Variants in DNM1L observed in about 807,000 individuals in gnomAD.
The protein encoded by DNM1L is dynamin 1L, also known as dynamin-1-like protein.
Under a neutral mutation model 92.8 loss-of-function variants are expected in DNM1L, and 33 were observed. The observed-to-expected ratio is 0.36, with a 90% CI of 0.27 to 0.48. The LOEUF is 0.48. Among genes scored for constraint, DNM1L ranks in the 20% least tolerant of loss-of-function variants. DNM1L has a pLI of 0.99. For synonymous variants in DNM1L, 284 were observed against 305.0 expected, an observed-to-expected ratio of 0.93 and a Z score of 0.72; for missense variants, 485 against 888.8, an observed-to-expected ratio of 0.55 and a Z score of 5.78.
intron 14 of DNM1L, 46 bp downstream of exon 14, chr12:32,737,207 T>A: frequency 1.3e-6 from 2 of 1,594,194 alleles, no homozygotes; most frequent in South Asian, 1.1e-5. Flanking sequence ...TAAAGATAGA[T>A]TGATGAGCTC....
At chr12:32,717,969 TATA>T (rs1167005070) in intron 6 of DNM1L, among the ~76,000 whole-genome samples, 1 of 98,730 alleles carries the variant, frequency 1.0e-5, no homozygotes, top group East Asian at 2.3e-4. Context: ...GTATATATAT[TATA>T]TATAGTATAT....
rs185815474 is a variant in DNM1L at position 32,722,370 on chromosome 12, T to C, written c.873-57T>C. On this transcript the variant is annotated intron_variant, in intron 8 of 19. Transcript: ENST00000549701. ...CCCCATTGTAAAAATTTGACTTGTT[T>C]AGGGCTTTAGAATACACAATTTTAC... is the stretch of plus-strand genomic sequence containing the variant. The C allele has an allele frequency of 1.6e-5, 24 of 1,492,284 alleles. 1 individual carries two copies. The African/African-American group carries it at 2.3e-4, about 15-fold the overall frequency. The allele number at this position is 1,492,284 out of a possible 1,614,324, so 92.4% of individuals were successfully genotyped here. A position where few individuals can be genotyped will look rare whatever the true frequency, so the allele number is the denominator to read the frequency against.
At chr12:32,698,602 C>T (rs747840458) in intron 1 of DNM1L, among the ~76,000 whole-genome samples, 1 of 152,066 alleles carries the variant, frequency 6.6e-6, no homozygotes, top group African/African-American at 2.4e-5. Flanking sequence ...TCTGACATAA[C>T]TGATGAAATT....
intron 9 of DNM1L, among the ~76,000 whole-genome samples, chr12:32,730,132 G>C (rs369392797): frequency 1.3e-5 from 2 of 151,168 alleles, no homozygotes; most frequent in Admixed American, 6.6e-5. Flanking sequence ...TTGGGAGGCC[G>C]AGGTGGGCAG....
rs1190206315 is a variant in DNM1L at position 32,717,990 on chromosome 12, GTATAGTATATATAATATA to G, written c.620-639_620-622del. Among the ~76,000 whole-genome samples, 8 of 108,120 alleles carry G rather than the reference GTATAGTATATATAATATA, an allele frequency of 7.4e-5. No individual in the cohort carries two copies. The East Asian group carries it at 1.6e-3, about 22-fold the overall frequency. The allele number at this position is 108,120 out of a possible 152,430, so 70.9% of individuals were successfully genotyped here. ...ATATTATATATAGTATATATAGTAT[GTATAGTATATATAATATA>G]TATAGTATATATATTATAAATATAT... On this transcript the variant is annotated intron_variant, in intron 6 of 19. Coordinates refer to ENST00000549701, the MANE Select transcript of DNM1L (RefSeq NM_012062.5).
intron 14 of DNM1L, 67 bp from the exon 15 acceptor site, chr12:32,737,798 A>G: frequency 2.5e-6 from 3 of 1,186,740 alleles, no homozygotes; most frequent in Admixed American, 3.4e-5. Flanking sequence ...AAATTCATTT[A>G]TAGAATGTTC....
intron 2 of DNM1L, among the ~76,000 whole-genome samples, chr12:32,703,354 T>C (rs1952789757): frequency 6.6e-6 from 1 of 152,074 alleles, no homozygotes; most frequent in Non-Finnish European, 1.5e-5. Flanking sequence ...AAATGACAAC[T>C]CAACTACCCC....
intron 19 of DNM1L, 81 bp from the exon 20 acceptor site, chr12:32,743,273 T>C: frequency 9.7e-6 from 12 of 1,238,850 alleles, no homozygotes; most frequent in Non-Finnish European, 1.4e-5. Context: ...CACATATATA[T>C]TGGAAAAATT....
chr12:32,695,646 G>T (rs138418383), intron 1 of DNM1L, among the ~76,000 whole-genome samples: 1 of 151,774 alleles, frequency 6.6e-6, no homozygotes, highest in African/African-American at 2.4e-5. Flanking sequence ...TGGTGTATGC[G>T]TGTAGTCCCA....
chr12:32,740,383 A>AT (rs901984241), intron 17 of DNM1L, 26 bp from the exon 18 acceptor site: 11 of 1,611,170 alleles, frequency 6.8e-6, no homozygotes, highest in African/African-American at 4.0e-5. Context: ...CAAAAGTAAT[A>AT]TTTTTTCCCC....
At chr12:32,737,270 ACTC>A (rs1954953318) in intron 14 of DNM1L, 109 bp downstream of exon 14, 1 of 1,094,274 alleles carries the variant, frequency 9.1e-7, no homozygotes, top group East Asian at 2.6e-5. Context: ...TCCCTTTAAC[ACTC>A]CATTGGAACT....
chr12:32,727,486 C>T, intron 9 of DNM1L: 1 of 500,462 alleles, frequency 2.0e-6, no homozygotes, highest in Non-Finnish European at 3.7e-6. Context: ...GGCAGCACTG[C>T]AAGCAGATGG....
chr12:32,737,840 TC>T lies in DNM1L; in HGVS notation c.1597-19del, dbSNP rs749576486. On this transcript the variant is annotated intron_variant, in intron 14 of 19. Transcript: ENST00000549701. ...GCATTTTTGCATCCTTGATTTTTTT[TC>T]CCCCCTGGATTTTTTGCCTTTAGTC... is the stretch of plus-strand genomic sequence containing the variant. 7.9e-5 allele frequency: 126 copies of T among 1,603,982 alleles called. No individual in the cohort carries two copies. In the South Asian group the frequency reaches 9.5e-4, roughly 12 times the overall value.
intron 17 of DNM1L, 53 bp from the exon 18 acceptor site, chr12:32,740,356 C>T: frequency 1.2e-6 from 2 of 1,607,972 alleles, no homozygotes; most frequent in Non-Finnish European, 1.7e-6. Context: ...GATGTTAAAG[C>T]TGCCATTTTA....
Position 32,741,138 on chromosome 12 carries a change from T to G in DNM1L, c.1994+620T>G, listed in dbSNP as rs535878029. Among the ~76,000 whole-genome samples, 52 of 152,382 alleles carry G rather than the reference T, an allele frequency of 3.4e-4. 1 individual carries two copies. In the South Asian group the frequency reaches 0.01, roughly 30 times the overall value. ...AACAGTCTAATACTTCATATTGAAA[T>G]AAATGATTTTTGTCTGTAGAACCAT... On this transcript the variant is annotated intron_variant, in intron 18 of 19. Coordinates refer to ENST00000549701, the MANE Select transcript of DNM1L (RefSeq NM_012062.5).
rs1176530428 is a variant in DNM1L at position 32,717,386 on chromosome 12, ATATAGTATATAT to A, written c.620-1256_620-1245del. ...ATATAATATATATACTATATATAAT[ATATAGTATATAT>A]AATATATAATATATATTTTAAATAT... On this transcript the variant is annotated intron_variant, in intron 6 of 19. Transcript: ENST00000549701. 1.2e-4 allele frequency among the ~76,000 whole-genome samples: 8 copies of A among 67,526 alleles called. 1 individual carries two copies. The highest frequency in any genetic ancestry group is 5.3e-4 in the African/African-American group (8 of 15,208). 44.3% of individuals were successfully genotyped at this position (67,526 alleles called of 152,430 possible).
chr12:32,717,986 G>A (rs571140983), intron 6 of DNM1L, among the ~76,000 whole-genome samples: 3,515 of 79,658 alleles, frequency 0.044, 246 homozygotes, highest in African/African-American at 0.19. Context: ...AGTATATATA[G>A]TATGTATAGT....
Position 32,708,336 on chromosome 12 carries a change from A to G in DNM1L, c.369+112A>G, listed in dbSNP as rs187148179. On this transcript the variant is annotated intron_variant, in intron 4 of 19. Coordinates refer to ENST00000549701, the MANE Select transcript of DNM1L (RefSeq NM_012062.5). ...AAATTCCTACTCTTGATCTTAGCCAAAAGGCCGAGAAGCGATGGACATTGT... is the reference window on the plus strand; with the variant it reads ...AAATTCCTACTCTTGATCTTAGCCAGAAGGCCGAGAAGCGATGGACATTGT... 2,307 of 694,770 alleles carry G rather than the reference A, an allele frequency of 3.3e-3. 29 individuals are homozygous for G. Among genetic ancestry groups the G allele is most frequent in the South Asian group, 0.018 (1,001 of 56,284 alleles). The allele number at this position is 694,770 out of a possible 1,614,324, so 43.0% of individuals were successfully genotyped here.
chr12:32,688,215 G>C lies in DNM1L; in HGVS notation c.102+8750G>C, dbSNP rs80347572. ...GCTGGGATTACAGGCGTGAGCCACT[G>C]TGTGGGCCCCGTATGAATTTTAGAT... On this transcript the variant is annotated intron_variant, in intron 1 of 19. Transcript: ENST00000549701. Among the ~76,000 whole-genome samples, 1,404 of 152,306 alleles carry C rather than the reference G, an allele frequency of 9.2e-3. 16 individuals are homozygous for C. The highest frequency in any genetic ancestry group is 0.032 in the African/African-American group (1,327 of 41,558).
Sources: gnomAD v4.1 joint callset for allele counts (sites outside exome capture counted in the v4.1 genomes callset) on GRCh38, gnomAD v4.1.1 for gene constraint, MANE v1.5 for transcripts, NCBI Gene and HGNC (gene_info 2026-07-23, HGNC 2026-07-21) for gene names.